KCNK10: variants seen among roughly 807,000 people sequenced by gnomAD.
KCNK10 encodes potassium two pore domain channel subfamily K member 10, also known as potassium channel subfamily K member 10.
Under a neutral mutation model 47.7 loss-of-function variants are expected in KCNK10, and 25 were observed. That is an observed-to-expected ratio of 0.52 (90% CI 0.38 to 0.73). KCNK10 has a LOEUF of 0.73. Among genes scored for constraint, KCNK10 ranks in the 30% least tolerant of loss-of-function variants. The pLI is 0.00. For missense variants in KCNK10, 563 were observed against 714.5 expected (o/e 0.79, Z 2.42); for synonymous variants, 303 against 285.6 (o/e 1.06, Z -0.61).
chr14:88,273,652 C>A lies in KCNK10; in HGVS notation c.53-10101G>T, dbSNP rs560895625. Among the ~76,000 whole-genome samples, 4 of 152,260 alleles carry A rather than the reference C, an allele frequency of 2.6e-5. No homozygotes were observed. In the South Asian group the frequency reaches 6.2e-4, roughly 24 times the overall value. ...TTTTGGGATTTAGAGCTGCCTACCT[C>A]GTGATTCTCCCAATAGACTCTGACT... On this transcript the variant is annotated intron_variant, in intron 1 of 6. Transcript: ENST00000319231.
chr14:88,252,798 C>T (rs1212230773), intron 2 of KCNK10, among the ~76,000 whole-genome samples: 1 of 152,190 alleles, frequency 6.6e-6, no homozygotes, highest in Non-Finnish European at 1.5e-5. Context: ...TGCAGGCTCT[C>T]TGTATGTCAG....
At chr14:88,263,088 C>T in intron 2 of KCNK10, 114 bp downstream of exon 2, 1 of 823,816 alleles carries the variant, frequency 1.2e-6, no homozygotes, top group Non-Finnish European at 1.9e-6. Flanking sequence ...GAGAGAACTT[C>T]CCTGACCACC....
chr14:88,190,097 G>T (rs1276337281), intron 5 of KCNK10, among the ~76,000 whole-genome samples: 1 of 152,154 alleles, frequency 6.6e-6, no homozygotes, highest in Non-Finnish European at 1.5e-5. Flanking sequence ...GTACTAGTTT[G>T]TACTAAGTGC....
chr14:88,310,856 T>C (rs1346062167), intron 1 of KCNK10, among the ~76,000 whole-genome samples: 2 of 152,156 alleles, frequency 1.3e-5, no homozygotes, highest in African/African-American at 4.8e-5. Context: ...TATGCTGAAC[T>C]GAGAGCCACA....
chr14:88,320,034 C>A (rs1243675961), intron 1 of KCNK10, among the ~76,000 whole-genome samples: 1 of 152,192 alleles, frequency 6.6e-6, no homozygotes, highest in South Asian at 2.1e-4. Flanking sequence ...CCTCCTCCAT[C>A]CCCTGGCTAG....
At chr14:88,192,066 G>A (rs1459427042) in intron 5 of KCNK10, among the ~76,000 whole-genome samples, 158 bp downstream of exon 5, 1 of 152,174 alleles carries the variant, frequency 6.6e-6, no homozygotes, top group Non-Finnish European at 1.5e-5. Flanking sequence ...ATATTACATA[G>A]GACTAGGGAT....
At chr14:88,205,951 AAGAGATAAACTGAC>A (rs1467145660) in intron 4 of KCNK10, among the ~76,000 whole-genome samples, 5 of 152,236 alleles carry the variant, frequency 3.3e-5, no homozygotes, top group African/African-American at 1.2e-4. Flanking sequence ...TTCATCTAGC[AAGAGATAAACTGAC>A]AGGATTTTAT....
intron 1 of KCNK10, among the ~76,000 whole-genome samples, chr14:88,279,924 T>G (rs1178859822): frequency 7.1e-6 from 1 of 140,606 alleles, no homozygotes; most frequent in East Asian, 1.9e-4. Flanking sequence ...TTTCCACTTT[T>G]GCTTCTTCCT....
intron 5 of KCNK10, 89 bp from the exon 6 acceptor site, chr14:88,188,198 A>G: frequency 6.9e-7 from 1 of 1,443,994 alleles, no homozygotes. Flanking sequence ...TGAAGACGTC[A>G]TCCATCATTG....
chr14:88,186,097 CG>C lies in KCNK10; in HGVS notation c.1069del (p.Arg357GlyfsTer74), dbSNP rs1425055954. On this transcript the variant is annotated frameshift_variant, in exon 7 of 7. Coordinates refer to ENST00000319231, the MANE Select transcript of KCNK10 (RefSeq NM_138317.3). LOFTEE classifies it high-confidence loss of function. The surrounding 1 kb of genome is among the most constrained non-coding windows in gnomAD (Gnocchi z 5.5). ...CACGCTGAGCCTTCGCCGTGTCTCC[CG>C]GAACTCAGCCGTGACATTGGCCTTC... ...EWKANVTAEFRETRRRLSVEI... is the reference protein window; with the variant it reads ...EWKANVTAEFXETRRRLSVEI... 6.2e-7 allele frequency: 1 copy of C among 1,609,880 alleles called. No homozygotes were observed. The highest frequency in any genetic ancestry group is 8.5e-7 in the Non-Finnish European group (1 of 1,178,832).
At chr14:88,257,135 T>C (rs968868370) in intron 2 of KCNK10, among the ~76,000 whole-genome samples, 1 of 152,200 alleles carries the variant, frequency 6.6e-6, no homozygotes, top group African/African-American at 2.4e-5. Context: ...TTTCTCTATC[T>C]CTCAGCATCC....
intron 3 of KCNK10, among the ~76,000 whole-genome samples, chr14:88,236,417 A>G (rs761668225): frequency 1.3e-5 from 2 of 152,250 alleles, no homozygotes; most frequent in Non-Finnish European, 2.9e-5. Flanking sequence ...ACAATGCAAG[A>G]TCTCACAGAA....
chr14:88,212,739 C>A (rs1566687534), intron 4 of KCNK10, among the ~76,000 whole-genome samples: 1 of 152,192 alleles, frequency 6.6e-6, no homozygotes, highest in African/African-American at 2.4e-5. Flanking sequence ...AGACATAGTG[C>A]AAAACCATTA....
chr14:88,222,771 A>T (rs1191843524), intron 4 of KCNK10, among the ~76,000 whole-genome samples: 1 of 152,186 alleles, frequency 6.6e-6, no homozygotes. Flanking sequence ...GTTGGGTGAA[A>T]ACGTGCTATT....
At chr14:88,281,727 CATAT>C (rs10541410) in intron 1 of KCNK10, among the ~76,000 whole-genome samples, 27,669 of 141,580 alleles carry the variant, frequency 0.2, 3,224 homozygotes, top group East Asian at 0.49. Context: ...TCTCTCTCTC[CATAT>C]ATATATATAT....
intron 2 of KCNK10, among the ~76,000 whole-genome samples, chr14:88,262,325 T>C (rs1443902215): frequency 6.6e-6 from 1 of 152,190 alleles, no homozygotes; most frequent in Non-Finnish European, 1.5e-5. Context: ...CCTTCCTCCT[T>C]CACGTCCAAG....
chr14:88,208,833 A>G lies in KCNK10; in HGVS notation c.682-16423T>C, dbSNP rs554245041. Among the ~76,000 whole-genome samples the G allele has an allele frequency of 1.5e-4, 23 of 152,304 alleles. 1 individual carries two copies. In the South Asian group the frequency reaches 4.8e-3, roughly 32 times the overall value. The stretch of plus-strand genomic sequence containing the variant: ...TGAGAAGGGACAGTCCTGACAACTG[A>G]GACGAGATGCCCGATACACCCATTT... On this transcript the variant is annotated intron_variant, in intron 4 of 6. Coordinates refer to ENST00000319231, the MANE Select transcript of KCNK10 (RefSeq NM_138317.3).
At chr14:88,311,053 C>A (rs987306518) in intron 1 of KCNK10, among the ~76,000 whole-genome samples, 1 of 152,068 alleles carries the variant, frequency 6.6e-6, no homozygotes, top group African/African-American at 2.4e-5. Context: ...TAAGATACAC[C>A]TCCCATTTGC....
chr14:88,302,587 G>A lies in KCNK10; in HGVS notation c.52+20160C>T, dbSNP rs142146276. 1.1e-3 allele frequency among the ~76,000 whole-genome samples: 161 copies of A among 152,310 alleles called. 1 individual carries two copies. Among genetic ancestry groups the A allele is most frequent in the African/African-American group, 3.4e-3 (143 of 41,564 alleles). On this transcript the variant is annotated intron_variant, in intron 1 of 6. Coordinates refer to ENST00000319231, the MANE Select transcript of KCNK10 (RefSeq NM_138317.3). ...TAGCTAGGTGTGGTGGCACATGCCT[G>A]TTATCCCAGCTACTTGGGAGGCTGA...
Sources: gnomAD v4.1 joint callset for allele counts (sites outside exome capture counted in the v4.1 genomes callset) on GRCh38, gnomAD v4.1.1 for gene constraint, Gnocchi (gnomAD v3.1) non-coding constraint, MANE v1.5 for transcripts, NCBI Gene and HGNC (gene_info 2026-07-23, HGNC 2026-07-21) for gene names.